The following CTTNBP2 variants were observed in gnomAD, a reference collection of about 807,000 sequenced individuals.
The protein encoded by CTTNBP2 is cortactin binding protein 2.
A neutral mutation model predicts 156.9 loss-of-function variants in CTTNBP2; 108 were observed. The ratio of observed to expected loss-of-function variants is 0.69; its 90% confidence interval spans 0.59 to 0.81. CTTNBP2 has a LOEUF of 0.81. CTTNBP2 is among the 30% of genes least tolerant of loss of function. The pLI is 0.00. For missense variants in CTTNBP2, 1,924 were observed against 2,035.4 expected (o/e 0.95, Z 1.05); for synonymous variants, 767 against 751.8 (o/e 1.02, Z -0.33).
intron 3 of CTTNBP2, among the ~76,000 whole-genome samples, chr7:117,797,361 G>A (rs1464522923): frequency 2.6e-5 from 4 of 152,162 alleles, no homozygotes; most frequent in African/African-American, 7.2e-5. Flanking sequence ...TCTTCAGCAG[G>A]TAACAGAATC....
chr7:117,828,470 G>A (rs1002950811), intron 2 of CTTNBP2, among the ~76,000 whole-genome samples: 1 of 152,186 alleles, frequency 6.6e-6, no homozygotes, highest in South Asian at 2.1e-4. Context: ...TAGGCACATC[G>A]CAGCAGGACA....
At chr7:117,726,797 G>A (rs1795119002) in intron 17 of CTTNBP2, among the ~76,000 whole-genome samples, 1 of 152,142 alleles carries the variant, frequency 6.6e-6, no homozygotes, top group African/African-American at 2.4e-5. Context: ...TCACCCTGTG[G>A]GGCTTCAGGG....
chr7:117,780,344 A>T, intron 7 of CTTNBP2, 97 bp downstream of exon 7: 1 of 812,226 alleles, frequency 1.2e-6, no homozygotes. Flanking sequence ...AAAATAAAGC[A>T]ACCTCTATTT....
At chr7:117,790,999 A>G (rs763003930) in intron 4 of CTTNBP2, 129 bp downstream of exon 4, 155 of 743,950 alleles carry the variant, frequency 2.1e-4, no homozygotes, top group Non-Finnish European at 2.5e-4. Flanking sequence ...AGAGAGAAAG[A>G]AAAGAAATGG....
Position 117,711,537 on chromosome 7 carries a change from C to A in CTTNBP2, c.4992G>T (p.Ter1664TyrextTer9), listed in dbSNP as rs1338843463. The A allele has an allele frequency of 6.2e-7, 1 of 1,611,384 alleles. No homozygotes were observed. The highest frequency in any genetic ancestry group is 8.5e-7 in the Non-Finnish European group (1 of 1,179,138). The stretch of plus-strand genomic sequence containing the variant: ...AATAATGAGAATATTGTAGGCAGGC[C>A]TATTTGTTAGGTTTTTCTAGGTGTT... The part of the protein sequence containing the change: ...KNEHLEKPNK[*>Y] The change falls in exon 23 of 23, where the codon TAG (stop) becomes TAT (tyrosine). Residue 1664 changes from the stop codon to tyrosine, a stop_lost. Coordinates refer to ENST00000160373, the MANE Select transcript of CTTNBP2 (RefSeq NM_033427.3).
intron 2 of CTTNBP2, among the ~76,000 whole-genome samples, chr7:117,858,781 C>G (rs1803505515): frequency 6.6e-6 from 1 of 152,112 alleles, no homozygotes; most frequent in African/African-American, 2.4e-5. Context: ...TTAAACAAGT[C>G]AATATAATTT....
intron 17 of CTTNBP2, among the ~76,000 whole-genome samples, chr7:117,725,963 G>A (rs1258209891): frequency 2.6e-5 from 4 of 152,114 alleles, no homozygotes; most frequent in African/African-American, 9.7e-5. Flanking sequence ...TGCTGGGATT[G>A]CAGGCATGAG....
chr7:117,777,446 A>G, intron 8 of CTTNBP2, 65 bp downstream of exon 8: 1 of 1,532,272 alleles, frequency 6.5e-7, no homozygotes, highest in Admixed American at 1.8e-5. Flanking sequence ...CTTAATCTAT[A>G]GCAGACAACT....
chr7:117,770,727 T>C (rs1018711923), intron 8 of CTTNBP2, among the ~76,000 whole-genome samples: 1 of 152,034 alleles, frequency 6.6e-6, no homozygotes, highest in African/African-American at 2.4e-5. Context: ...TGAGTACAGT[T>C]TTACTTTATG....
At chr7:117,821,337 T>C (rs1297809009) in intron 2 of CTTNBP2, among the ~76,000 whole-genome samples, 2 of 149,082 alleles carry the variant, frequency 1.3e-5, no homozygotes, top group African/African-American at 2.6e-5. Flanking sequence ...GGTTTTTTTT[T>C]TGTTGTTGTT....
intron 2 of CTTNBP2, among the ~76,000 whole-genome samples, chr7:117,859,548 TCAC>T (rs1803571364): frequency 1.3e-5 from 2 of 152,176 alleles, no homozygotes; most frequent in African/African-American, 4.8e-5. Context: ...CACTTCTATC[TCAC>T]CACAAGAGGC....
intron 19 of CTTNBP2, among the ~76,000 whole-genome samples, chr7:117,721,891 T>C (rs753821729): frequency 1.2e-4 from 18 of 152,354 alleles, no homozygotes; most frequent in Non-Finnish European, 2.4e-4. Context: ...TTATAAACCA[T>C]TTTAGACTCA....
chr7:117,819,363 T>TCACA (rs1322130121), intron 2 of CTTNBP2, among the ~76,000 whole-genome samples: 4 of 135,160 alleles, frequency 3.0e-5, no homozygotes, highest in Non-Finnish European at 6.2e-5. Flanking sequence ...TCCTTCTCTC[T>TCACA]CTCTCACACA....
intron 4 of CTTNBP2, among the ~76,000 whole-genome samples, chr7:117,789,717 A>T (rs1455160981): frequency 6.6e-6 from 1 of 151,374 alleles, no homozygotes; most frequent in Non-Finnish European, 1.5e-5. Flanking sequence ...CTATTTATTG[A>T]TTACTCATGC....
chr7:117,748,191 A>G (rs1313861081), intron 12 of CTTNBP2, among the ~76,000 whole-genome samples: 1 of 152,172 alleles, frequency 6.6e-6, no homozygotes, highest in Non-Finnish European at 1.5e-5. Context: ...TTATTAAATA[A>G]TAATTATTGA....
intron 2 of CTTNBP2, among the ~76,000 whole-genome samples, chr7:117,820,267 G>A (rs960618722): frequency 6.6e-6 from 1 of 152,170 alleles, no homozygotes; most frequent in African/African-American, 2.4e-5. Flanking sequence ...GTCTTATTAA[G>A]ACTCCAGACA....
chr7:117,800,790 T>C (rs1050308344), intron 3 of CTTNBP2, among the ~76,000 whole-genome samples: 1 of 152,126 alleles, frequency 6.6e-6, no homozygotes, highest in African/African-American at 2.4e-5. Flanking sequence ...ACAAGATATA[T>C]AGCTATGTTT....
At chr7:117,725,006 T>C in intron 18 of CTTNBP2, 46 bp downstream of exon 18, 1 of 1,562,238 alleles carries the variant, frequency 6.4e-7, no homozygotes, top group Non-Finnish European at 8.8e-7. Flanking sequence ...AAAAGGTATT[T>C]CACAAGGGTG....
rs773304936 is a variant in CTTNBP2, at chr7:117,791,269, T to A, written c.1927A>T (p.Thr643Ser). 2.5e-6 allele frequency: 4 copies of A among 1,613,834 alleles called. No homozygotes were observed. In the Admixed American group the frequency reaches 6.7e-5, roughly 27 times the overall value. The change falls in exon 4 of 23, where the codon ACC (threonine) becomes TCC (serine). Residue 643 changes from threonine (T) to serine (S), a missense_variant. Thr to Ser is a moderately conservative substitution (Grantham distance 58). Transcript: ENST00000160373. ...TSQVGAWPAA[T>S]PGLNQPACSD... ...CATGCAGGTTGGTTCAGTCCGGGGG[T>A]TGCAGCAGGCCAGGCACCCACCTGA... is the stretch of plus-strand genomic sequence containing the variant.
Sources: allele counts gnomAD v4.1 joint callset (sites outside exome capture counted in the v4.1 genomes callset), GRCh38; gene constraint gnomAD v4.1.1; transcripts MANE v1.5; gene names NCBI Gene and HGNC (gene_info 2026-07-23, HGNC 2026-07-21).